Variants in SLC9B2 observed in about 807,000 individuals in gnomAD.
SLC9B2 encodes the protein solute carrier family 9 member B2, also known as sodium/hydrogen exchanger 9B2.
A neutral mutation model predicts 52.2 loss-of-function variants in SLC9B2; 39 were observed. The ratio of observed to expected loss-of-function variants is 0.75; its 90% CI spans 0.58 to 0.98. SLC9B2 has a LOEUF of 0.98. Among genes scored for constraint, SLC9B2 ranks in the 50% least tolerant of loss-of-function variants. The pLI is 0.00. For synonymous variants in SLC9B2, 214 were observed against 227.0 expected (o/e 0.94, Z 0.51); for missense variants, 626 against 637.5 (o/e 0.98, Z 0.19).
chr4:103,075,505 T>C (rs757566095), intron 1 of SLC9B2, among the ~76,000 whole-genome samples: 21 of 152,176 alleles, frequency 1.4e-4, no homozygotes, highest in Admixed American at 1.3e-3. Context: ...GAGACTGATA[T>C]GTGTTTACCA....
intron 9 of SLC9B2, among the ~76,000 whole-genome samples, chr4:103,036,456 T>G (rs1044971603): frequency 1.3e-5 from 2 of 151,824 alleles, no homozygotes; most frequent in African/African-American, 4.8e-5. Flanking sequence ...TCCAAGCCCT[T>G]GCAACACATC....
intron 7 of SLC9B2, among the ~76,000 whole-genome samples, chr4:103,046,812 C>T (rs1386478948): frequency 6.6e-6 from 1 of 152,146 alleles, no homozygotes; most frequent in African/African-American, 2.4e-5. Flanking sequence ...AATCTTTCTA[C>T]CTTCTACCGC....
chr4:103,059,041 T>C (rs1190917490), intron 3 of SLC9B2, among the ~76,000 whole-genome samples: 1 of 152,168 alleles, frequency 6.6e-6, no homozygotes, highest in Non-Finnish European at 1.5e-5. Flanking sequence ...CACTCCAGCC[T>C]GTGTTACACA....
rs978981750 is a variant in SLC9B2, at chr4:103,045,723, CCAT to C, written c.890-730_890-728del. On this transcript the variant is annotated intron_variant, in intron 7 of 11. Transcript: ENST00000394785. ...GCCTCTTTCCTTTCTCCTCCCACCA[CCAT>C]GATTCTAATGCAAACTCTGTTGCTC... Among the ~76,000 whole-genome samples the C allele has an allele frequency of 7.9e-5, 12 of 152,238 alleles. No individual in the cohort carries two copies. The South Asian group carries it at 1.9e-3, about 24-fold the overall frequency.
At chr4:103,071,935 T>G (rs930280150) in intron 1 of SLC9B2, among the ~76,000 whole-genome samples, 1 of 152,180 alleles carries the variant, frequency 6.6e-6, no homozygotes, top group Non-Finnish European at 1.5e-5. Flanking sequence ...TTGAGGTAAC[T>G]TAATAACACC....
rs1441585173 is a variant in SLC9B2 at position 103,026,317 on chromosome 4, GA to G, written c.*52del. 8.2e-6 allele frequency: 12 copies of G among 1,464,818 alleles called. No individual in the cohort carries two copies. The Admixed American group carries it at 1.9e-4, about 24-fold the overall frequency. The allele number at this position is 1,464,818 out of a possible 1,614,324, so 90.7% of individuals were successfully genotyped here. A position where few individuals can be genotyped will look rare whatever the true frequency, so the allele number is the denominator to read the frequency against. On this transcript the variant is annotated 3_prime_UTR_variant, in exon 12 of 12. Transcript: ENST00000394785. ...CATTACATATTTCAATATGCATCTT[GA>G]AAAAAGTAGCAGCTTTCTAAACATT...
chr4:103,063,320 TAAGTA>T (rs1745830827), intron 3 of SLC9B2, among the ~76,000 whole-genome samples: 1 of 152,204 alleles, frequency 6.6e-6, no homozygotes, highest in Admixed American at 6.5e-5. Context: ...CATGCTTAGT[TAAGTA>T]AACTGACTTG....
Position 103,028,852 on chromosome 4 carries a change from T to C in SLC9B2, c.1287A>G (p.Val429=), listed in dbSNP as rs149442737. 168 of 1,606,560 alleles carry C rather than the reference T, an allele frequency of 1.0e-4. 1 individual carries two copies. In the African/African-American group the frequency reaches 2.2e-3, roughly 21 times the overall value. Residue 429 remains valine, a synonymous_variant, in exon 11 of 12, where the codon GTA becomes GTG. Transcript: ENST00000394785. ...GLCVATVGIA[V]LIRILTTFLM... ...GAAATGTAGTCAAAATTCGTATCAA[T>C]ACTGCAATGCCTACGGTGGCAACAC... is the stretch of plus-strand genomic sequence containing the variant.
rs1437954162 is a variant in SLC9B2, at chr4:103,024,626, T to C, written c.*1744A>G. Among the ~76,000 whole-genome samples the C allele has an allele frequency of 6.6e-6, 1 of 152,218 alleles. No homozygotes were observed. Among genetic ancestry groups the C allele is most frequent in the African/African-American group, 2.4e-5 (1 of 41,452 alleles). ...ATTCATAATTCATTCATCTAATACA[T>C]ATTTAATATCTACTTCAAGATTAAA... On this transcript the variant is annotated 3_prime_UTR_variant, in exon 12 of 12. Coordinates refer to ENST00000394785, the MANE Select transcript of SLC9B2 (RefSeq NM_178833.7).
rs565813415 is a variant in SLC9B2, at chr4:103,068,279, C to T, written c.-42-687G>A. Among the ~76,000 whole-genome samples, 52 of 152,312 alleles carry T rather than the reference C, an allele frequency of 3.4e-4. No individual in the cohort carries two copies. In the South Asian group the frequency reaches 0.011, roughly 32 times the overall value. On this transcript the variant is annotated intron_variant, in intron 1 of 11. Coordinates refer to ENST00000394785, the MANE Select transcript of SLC9B2 (RefSeq NM_178833.7). The stretch of plus-strand genomic sequence containing the variant: ...TTGGCTCAATAAACACTCACTTCAA[C>T]ACATTCTCCCTTGGCTTTCCATGCT...
Position 103,076,272 on chromosome 4 carries a change from C to G in SLC9B2, c.-131G>C, listed in dbSNP as rs1167807124. 1 of 152,514 alleles carries G rather than the reference C, an allele frequency of 6.6e-6. No homozygotes were observed. Among genetic ancestry groups the G allele is most frequent in the Admixed American group, 6.5e-5 (1 of 15,292 alleles). The allele number at this position is 152,514 out of a possible 1,614,324, so 9.4% of individuals were successfully genotyped here. ...AGGCGGCGGAGCCCGGTCTAGCCAC[C>G]GCGCTCTGGGGTTCCCGATTCGCGC... On this transcript the variant is annotated 5_prime_UTR_variant, in exon 1 of 12. Coordinates refer to ENST00000394785, the MANE Select transcript of SLC9B2 (RefSeq NM_178833.7).
downstream of SLC9B2, chr4:103,019,805 G>A: frequency 1.0e-6 from 1 of 985,616 alleles, no homozygotes; most frequent in Non-Finnish European, 1.2e-6. Flanking sequence ...AGGGTTCTGG[G>A]GTTTCTGGGA....
chr4:103,069,814 T>A (rs1651066164), intron 1 of SLC9B2, among the ~76,000 whole-genome samples: 1 of 152,238 alleles, frequency 6.6e-6, no homozygotes, highest in South Asian at 2.1e-4. Flanking sequence ...CAGCCCATTC[T>A]GCCACTTACA....
At chr4:103,029,129 G>C (rs1742476860) in intron 10 of SLC9B2, among the ~76,000 whole-genome samples, 3 of 152,132 alleles carry the variant, frequency 2.0e-5, no homozygotes, top group African/African-American at 7.2e-5. Context: ...TTCTTATGTA[G>C]AGATTTGAAT....
At chr4:103,070,478 T>C (rs1342281068) in intron 1 of SLC9B2, among the ~76,000 whole-genome samples, 1 of 152,266 alleles carries the variant, frequency 6.6e-6, no homozygotes, top group South Asian at 2.1e-4. Context: ...TCTCCCTCTG[T>C]TGCCCAGGCT....
At chr4:103,067,847 T>C (rs972977531) in intron 1 of SLC9B2, among the ~76,000 whole-genome samples, 2 of 152,220 alleles carry the variant, frequency 1.3e-5, no homozygotes, top group Non-Finnish European at 2.9e-5. Flanking sequence ...CTTTCCCATA[T>C]TATTTTTTGA....
chr4:103,065,123 G>A (rs1485360311), intron 3 of SLC9B2, among the ~76,000 whole-genome samples: 2 of 149,852 alleles, frequency 1.3e-5, no homozygotes, highest in Non-Finnish European at 3.0e-5. Context: ...GCCTTGACAT[G>A]TAATTTTCTC....
At chr4:103,039,017 C>A (rs75691936) in intron 9 of SLC9B2, among the ~76,000 whole-genome samples, 1 of 152,020 alleles carries the variant, frequency 6.6e-6, no homozygotes, top group African/African-American at 2.4e-5. Context: ...TTGCTACAGC[C>A]CTGTAGAATT....
intron 8 of SLC9B2, 25 bp downstream of exon 8, chr4:103,044,865 C>T: frequency 9.0e-6 from 14 of 1,553,076 alleles, no homozygotes; most frequent in Non-Finnish European, 1.2e-5. Flanking sequence ...CAGAGCACAA[C>T]TTTCCCACAT....
Sources: allele counts gnomAD v4.1 joint callset (sites outside exome capture counted in the v4.1 genomes callset), GRCh38; gene constraint gnomAD v4.1.1; transcripts MANE v1.5; gene names NCBI Gene and HGNC (gene_info 2026-07-23, HGNC 2026-07-21).